TAF15: variants seen among roughly 807,000 people sequenced by gnomAD.
TAF15 encodes the protein TATA-binding protein-associated factor 2N.
TAF15 carries 37 observed loss-of-function variants against 102.5 expected under a neutral mutation model. The observed-to-expected ratio is 0.36, with a 90% CI of 0.28 to 0.47. The LOEUF (loss-of-function observed/expected upper bound fraction) is 0.47, where lower values mean the gene tolerates loss of function less well. TAF15 is among the 20% of genes least tolerant of loss of function. The pLI is 0.99. For synonymous variants in TAF15, 273 were observed against 259.2 expected (o/e 1.05, Z -0.51); for missense variants, 652 against 760.7 (o/e 0.86, Z 1.68).
chr17:35,830,282 T>G (rs2087386831), intron 7 of TAF15: 1 of 152,140 alleles, frequency 6.6e-6, no homozygotes, highest in Non-Finnish European at 1.5e-5. Context: ...AGACACCATC[T>G]CAAAAAACAA....
chr17:35,830,477 A>T (rs1363655791), intron 7 of TAF15, among the ~76,000 whole-genome samples: 2 of 152,154 alleles, frequency 1.3e-5, no homozygotes, highest in Non-Finnish European at 2.9e-5. Context: ...ATGTTCAAGT[A>T]CCTTTGTGTC....
At chr17:35,827,320 A>G (rs1462841227) in intron 7 of TAF15, among the ~76,000 whole-genome samples, 15 of 147,934 alleles carry the variant, frequency 1.0e-4, no homozygotes, top group Non-Finnish European at 8.9e-5. Flanking sequence ...TGGGCAACAG[A>G]GCAAGACTCC....
chr17:35,817,770 C>T lies in TAF15; in HGVS notation c.47+15C>T. On this transcript the variant is annotated intron_variant, in intron 2 of 15. Coordinates refer to ENST00000605844, the MANE Select transcript of TAF15 (RefSeq NM_139215.3). ...GAGCAGCAAAGGTAAAGTATACATA[C>T]ATTTTAATAATATGAAAGGGTAGAA... 1 of 1,611,116 alleles carries T rather than the reference C, an allele frequency of 6.2e-7. No individual in the cohort carries two copies. The highest frequency in any genetic ancestry group is 8.5e-7 in the Non-Finnish European group (1 of 1,177,400).
rs1568285424 is a variant in TAF15 at position 35,845,049 on chromosome 17, G to T, written c.1739+11G>T. On this transcript the variant is annotated intron_variant, in intron 15 of 15. Coordinates refer to ENST00000605844, the MANE Select transcript of TAF15 (RefSeq NM_139215.3). ...CAAAATGGGAGGAAGGTGAGTATTA[G>T]AATGTGTTTATTAACCTTTTTACCT... is the stretch of plus-strand genomic sequence containing the variant. The T allele has an allele frequency of 1.2e-6, 2 of 1,613,784 alleles. No homozygotes were observed. The highest frequency in any genetic ancestry group is 2.7e-5 in the African/African-American group (2 of 74,864).
chr17:35,824,117 G>A lies in TAF15; in HGVS notation c.524G>A (p.Arg175Lys). 6.2e-7 allele frequency: 1 copy of A among 1,614,116 alleles called. No individual in the cohort carries two copies. Residue 175 changes from arginine to lysine, a missense_variant, in exon 7 of 16, where the codon AGA (arginine) becomes AAA (lysine). Transcript: ENST00000605844. ...RDVSRYGEDNRGYGGSQGGGR... is the reference protein window; with the variant it reads ...RDVSRYGEDNKGYGGSQGGGR... The stretch of plus-strand genomic sequence containing the variant: ...GTGAGTAGGTATGGAGAAGATAATA[G>A]AGGATATGGCGGGTCACAGGGAGGA...
In TAF15 at chr17:35,822,827, A is replaced by T; in HGVS notation, c.478A>T (p.Thr160Ser). ...ACAAAGGGAAAACTACAGCCACCAC[A>T]CACAAGGTAAGATTTACTGACCTCT... ...HSQRENYSHH[T>S]QDDRRDVSRY... Residue 160 changes from threonine to serine, a missense_variant, in exon 6 of 16, where the codon ACA becomes TCA. By Grantham distance (58) the Thr-to-Ser change is moderately conservative. This residue lies in a region of TAF15 where 243 missense variants were observed against 284.1 expected (regional missense o/e 0.86). Transcript: ENST00000605844. The T allele has an allele frequency of 6.2e-7, 1 of 1,614,122 alleles. No homozygotes were observed. Among genetic ancestry groups the T allele is most frequent in the Non-Finnish European group, 8.5e-7 (1 of 1,179,972 alleles).
intron 7 of TAF15, among the ~76,000 whole-genome samples, chr17:35,831,814 G>T (rs1482834799): frequency 6.6e-6 from 1 of 152,094 alleles, no homozygotes; most frequent in Admixed American, 6.5e-5. Context: ...CGGGCGTGGT[G>T]GCTCACACCT....
chr17:35,835,746 C>T (rs959539770), intron 9 of TAF15, among the ~76,000 whole-genome samples: 1 of 152,210 alleles, frequency 6.6e-6, no homozygotes, highest in Admixed American at 6.5e-5. Context: ...GAATTTTGTA[C>T]TAGAGAATCT....
In TAF15 at chr17:35,842,479, C is replaced by T. The variant is rs1012604705; in HGVS notation, c.1006+20C>T. On this transcript the variant is annotated intron_variant, in intron 12 of 15. Transcript: ENST00000605844. The stretch of plus-strand genomic sequence containing the variant: ...GGCGAGGTAAGATCCTTGCTGCGTA[C>T]AGTCCTGGATACTATCCAAGGGTTT... The T allele has an allele frequency of 1.3e-6, 2 of 1,580,640 alleles. No homozygotes were observed. Among genetic ancestry groups the T allele is most frequent in the South Asian group, 2.2e-5 (2 of 90,244 alleles).
chr17:35,824,239 C>CTT, intron 7 of TAF15, 41 bp downstream of exon 7: 2 of 1,581,888 alleles, frequency 1.3e-6, no homozygotes, highest in Admixed American at 1.8e-5. Flanking sequence ...CTTCTTCTTC[C>CTT]TCTTTTTTTT....
At chr17:35,846,784 A>G in intron 15 of TAF15, 122 bp from the exon 16 acceptor site, 2 of 967,604 alleles carry the variant, frequency 2.1e-6, no homozygotes, top group Admixed American at 1.9e-5. Context: ...TAAATGAGGC[A>G]TGGTGTCATT....
intron 9 of TAF15, among the ~76,000 whole-genome samples, chr17:35,835,833 TTAG>T (rs2087467935): frequency 6.6e-6 from 1 of 152,248 alleles, no homozygotes; most frequent in Admixed American, 6.5e-5. Context: ...TTCATGACGT[TTAG>T]CCCTATGTCT....
chr17:35,834,990 T>C (rs2087457275), intron 9 of TAF15, among the ~76,000 whole-genome samples: 1 of 152,006 alleles, frequency 6.6e-6, no homozygotes, highest in South Asian at 2.1e-4. Flanking sequence ...GAGATCCGCC[T>C]GTCTCAGCCT....
chr17:35,833,561 GT>G, intron 7 of TAF15: 1 of 191,488 alleles, frequency 5.2e-6, no homozygotes, highest in Admixed American at 5.6e-5. Flanking sequence ...GAAAATAACC[GT>G]TTGGAAAAAA....
chr17:35,844,390 A>G (rs2087584236), intron 14 of TAF15, 22 bp downstream of exon 14: 4 of 1,613,026 alleles, frequency 2.5e-6, no homozygotes, highest in East Asian at 2.2e-5. Flanking sequence ...TTTTAATAGC[A>G]TCTGCATCGT....
intron 5 of TAF15, among the ~76,000 whole-genome samples, chr17:35,821,512 C>T (rs2087257274): frequency 6.6e-6 from 1 of 152,098 alleles, no homozygotes; most frequent in South Asian, 2.1e-4. Flanking sequence ...AGTTAGGGAA[C>T]ATACTGATCT....
chr17:35,833,823 T>G (rs2087437019), intron 7 of TAF15, 84 bp from the exon 8 acceptor site: 2 of 1,404,900 alleles, frequency 1.4e-6, no homozygotes, highest in African/African-American at 2.8e-5. Flanking sequence ...ACTCTACTTG[T>G]GACAGTTAAG....
chr17:35,809,941 C>T (rs1041101054), intron 1 of TAF15: 6 of 427,592 alleles, frequency 1.4e-5, no homozygotes, highest in African/African-American at 8.1e-5. Context: ...AGCGGTGCTT[C>T]TGGTTCTCCG....
rs1415234000 is a variant in TAF15, at chr17:35,844,983, C to T, written c.1684C>T (p.Arg562Ter). The change falls in exon 15 of 16, where the codon CGA (arginine) becomes TGA (stop). Residue 562 changes from arginine to a stop codon, truncating the protein, a stop_gained. Transcript: ENST00000605844. LOFTEE classifies it high-confidence loss of function. Reference sequence around the variant, plus strand: ...GAGTGGTGGCGGCTATGGAGGAGACCGAGGTGGGGGCTACGGAGGAGACCG... The same window carrying T: ...GAGTGGTGGCGGCTATGGAGGAGACTGAGGTGGGGGCTACGGAGGAGACCG... ...DRSGGGYGGD[R>*]GGGYGGDRGG... 5 of 1,609,914 alleles carry T rather than the reference C, an allele frequency of 3.1e-6. No individual in the cohort carries two copies. The highest frequency in any genetic ancestry group is 4.2e-6 in the Non-Finnish European group (5 of 1,177,762).
Sources: gnomAD v4.1 joint callset for allele counts (sites outside exome capture counted in the v4.1 genomes callset) on GRCh38, gnomAD v4.1.1 for gene constraint, gnomAD v4.1.1 regional missense constraint, MANE v1.5 for transcripts, NCBI Gene and HGNC (gene_info 2026-07-23, HGNC 2026-07-21) for gene names.